Variants in IKZF2 observed in about 807,000 individuals in gnomAD.
IKZF2 encodes the protein zinc finger protein Helios.
IKZF2 carries 15 observed loss-of-function variants against 49.2 expected under a neutral mutation model. The observed-to-expected ratio is 0.30, with a 90% CI of 0.20 to 0.47. The LOEUF (loss-of-function observed/expected upper bound fraction) is 0.47, where lower values mean the gene tolerates loss of function less well. Ranked by LOEUF, IKZF2 falls within the 20% of genes least tolerant of loss-of-function variation. The pLI, the probability that IKZF2 is intolerant of heterozygous loss-of-function variation, is 1.00. For synonymous variants in IKZF2, 227 were observed against 221.4 expected (o/e 1.03, Z -0.23); for missense variants, 567 against 664.6 (o/e 0.85, Z 1.61).
At chr2:213,021,928 A>T (rs1476135956) in intron 7 of IKZF2, 65 bp downstream of exon 7, 1 of 1,517,372 alleles carries the variant, frequency 6.6e-7, no homozygotes, top group Non-Finnish European at 8.9e-7. Context: ...ATAAGATTTT[A>T]TCTTCATGTT....
chr2:213,048,407 C>T (rs1700372490), intron 6 of IKZF2, among the ~76,000 whole-genome samples: 1 of 151,992 alleles, frequency 6.6e-6, no homozygotes, highest in Admixed American at 6.6e-5. Flanking sequence ...TCACGAAGAT[C>T]TATTTGTTAT....
intron 4 of IKZF2, among the ~76,000 whole-genome samples, chr2:213,129,310 G>A (rs375314367): frequency 2.7e-5 from 4 of 147,694 alleles, no homozygotes; most frequent in South Asian, 4.5e-4. Flanking sequence ...TGCCTGGAGA[G>A]GGGCTTATTT....
At chr2:213,080,850 C>G (rs983915160) in intron 4 of IKZF2, among the ~76,000 whole-genome samples, 1 of 151,858 alleles carries the variant, frequency 6.6e-6, no homozygotes, top group African/African-American at 2.4e-5. Context: ...AAAAAAAAAG[C>G]TATTTACTAA....
chr2:213,009,822 T>C (rs1335834238), intron 8 of IKZF2, among the ~76,000 whole-genome samples: 1 of 151,990 alleles, frequency 6.6e-6, no homozygotes, highest in Non-Finnish European at 1.5e-5. Flanking sequence ...GACAATAATG[T>C]GATTGTAAAC....
chr2:213,014,766 T>A (rs1559163935), intron 7 of IKZF2: 1 of 152,018 alleles, frequency 6.6e-6, no homozygotes, highest in Non-Finnish European at 1.5e-5. Flanking sequence ...GTAGAAATAC[T>A]GCCCAAGGAT....
intron 4 of IKZF2, among the ~76,000 whole-genome samples, chr2:213,124,598 T>C (rs2060196222): frequency 1.3e-5 from 2 of 152,366 alleles, no homozygotes; most frequent in African/African-American, 4.8e-5. Context: ...GGATATGTCA[T>C]GCAATGAACT....
intron 2 of IKZF2, 84 bp from the exon 3 acceptor site, chr2:213,148,728 G>A (rs2061167219): frequency 8.6e-7 from 1 of 1,161,446 alleles, no homozygotes; most frequent in Admixed American, 1.8e-5. Flanking sequence ...GAAGCTCCAA[G>A]CAGTTAGTCC....
intron 1 of IKZF2, among the ~76,000 whole-genome samples, chr2:213,151,027 C>G (rs923407681): frequency 6.6e-6 from 1 of 151,594 alleles, no homozygotes; most frequent in Non-Finnish European, 1.5e-5. Flanking sequence ...CAAAACAAGT[C>G]CAAATTCATG....
At chr2:213,103,924 T>C (rs1196694734) in intron 4 of IKZF2, among the ~76,000 whole-genome samples, 3 of 152,182 alleles carry the variant, frequency 2.0e-5, no homozygotes, top group African/African-American at 7.2e-5. Context: ...TTGAAATGTA[T>C]TGAATAAAAG....
intron 4 of IKZF2, among the ~76,000 whole-genome samples, chr2:213,072,536 A>G (rs1428667607): frequency 6.6e-6 from 1 of 152,082 alleles, no homozygotes; most frequent in Non-Finnish European, 1.5e-5. Flanking sequence ...GTCACCAAGC[A>G]GCTCATTCAA....
chr2:213,101,332 T>C (rs904472185), intron 4 of IKZF2, among the ~76,000 whole-genome samples: 4 of 152,120 alleles, frequency 2.6e-5, no homozygotes, highest in African/African-American at 7.2e-5. Context: ...CATTACTCAT[T>C]ATTTCTCCAA....
At chr2:213,151,210 C>A (rs766831040) in intron 1 of IKZF2, among the ~76,000 whole-genome samples, 2 of 151,970 alleles carry the variant, frequency 1.3e-5, no homozygotes, top group Non-Finnish European at 2.9e-5. Context: ...GAGAAAAATA[C>A]CTATATTATT....
intron 7 of IKZF2, among the ~76,000 whole-genome samples, chr2:213,015,516 A>C (rs1156728430): frequency 6.6e-6 from 1 of 152,094 alleles, no homozygotes; most frequent in African/African-American, 2.4e-5. Context: ...AGTCAACAAA[A>C]AAGCAAAGAA....
At chr2:213,026,149 C>T (rs1697795662) in intron 6 of IKZF2, among the ~76,000 whole-genome samples, 6 of 152,094 alleles carry the variant, frequency 3.9e-5, no homozygotes, top group Admixed American at 3.9e-4. Context: ...TACCCCAGGC[C>T]CCAGTCAAAA....
chr2:213,130,423 A>G (rs566549498), intron 4 of IKZF2, among the ~76,000 whole-genome samples: 4 of 152,206 alleles, frequency 2.6e-5, no homozygotes, highest in African/African-American at 9.6e-5. Context: ...CTGAGAACAC[A>G]GTAAGATCCA....
chr2:213,031,092 C>A (rs1383885725), intron 6 of IKZF2, among the ~76,000 whole-genome samples: 1 of 152,198 alleles, frequency 6.6e-6, no homozygotes, highest in East Asian at 1.9e-4. Context: ...TCCCAAAGTG[C>A]TGGGATTACA....
At chr2:213,137,274 T>C (rs1023588608) in intron 4 of IKZF2, among the ~76,000 whole-genome samples, 2 of 152,150 alleles carry the variant, frequency 1.3e-5, no homozygotes, top group Non-Finnish European at 2.9e-5. Flanking sequence ...TTTATAATTC[T>C]CAGTTATGTC....
chr2:213,071,731 AT>A (rs1326290763), intron 4 of IKZF2, among the ~76,000 whole-genome samples: 4 of 152,108 alleles, frequency 2.6e-5, no homozygotes, highest in Non-Finnish European at 5.9e-5. Context: ...CCTACCATAT[AT>A]CCCTTTATCA....
chr2:213,035,504 A>T (rs1698928397), intron 6 of IKZF2, among the ~76,000 whole-genome samples: 1 of 152,212 alleles, frequency 6.6e-6, no homozygotes, highest in Non-Finnish European at 1.5e-5. Context: ...AACTAAGGGG[A>T]TGCTTCTGGT....
Sources: gnomAD v4.1 joint callset for allele counts (sites outside exome capture counted in the v4.1 genomes callset) on GRCh38, gnomAD v4.1.1 for gene constraint, MANE v1.5 for transcripts, NCBI Gene and HGNC (gene_info 2026-07-23, HGNC 2026-07-21) for gene names.